The following BTBD3 variants were observed in gnomAD, a reference collection of about 807,000 sequenced individuals.
The protein encoded by BTBD3 is BTB/POZ domain-containing protein 3.
Under a neutral mutation model 41.6 loss-of-function variants are expected in BTBD3, and 14 were observed. The observed-to-expected ratio is 0.34, with a 90% CI of 0.22 to 0.53. The LOEUF (loss-of-function observed/expected upper bound fraction) is 0.53, where lower values mean the gene tolerates loss of function less well. BTBD3 is among the 20% of genes least tolerant of loss of function. The pLI, the probability that BTBD3 is intolerant of heterozygous loss-of-function variation, is 0.95. For missense variants in BTBD3, 426 were observed against 654.7 expected (o/e 0.65, Z 3.81); for synonymous variants, 249 against 233.7 (o/e 1.07, Z -0.60).
chr20:11,905,178 G>A (rs1398720051), intron 1 of BTBD3, among the ~76,000 whole-genome samples: 1 of 152,120 alleles, frequency 6.6e-6, no homozygotes, highest in Non-Finnish European at 1.5e-5. Flanking sequence ...AATACTGTCA[G>A]TTTTCCTTGC....
chr20:11,914,225 T>G (rs74662847), upstream of BTBD3, among the ~76,000 whole-genome samples: 1,187 of 152,296 alleles, frequency 7.8e-3, 16 homozygotes, highest in African/African-American at 0.027. Context: ...GGTTACAGAC[T>G]CAACAGATGG....
At position 11,923,553 on chromosome 20, in the gene BTBD3, A is replaced by G; in HGVS notation, c.1456A>G (p.Met486Val). ...NELSYFGQEG[M>V]TEVQCGKVTV... is the part of the protein sequence containing the mutation. ...ACTCAGCTACTTTGGACAAGAAGGC[A>G]TGACAGAAGTTCAGTGTGGCAAAGT... Residue 486 changes from methionine to valine, a missense_variant, in exon 4 of 4, where the codon ATG becomes GTG. Met to Val is a conservative substitution (Grantham distance 21, BLOSUM62 1). Transcript: ENST00000378226. This position sits in a 1 kb window ranked among gnomAD's most constrained non-coding sequence, Gnocchi z 5.3. 6.2e-7 allele frequency: 1 copy of G among 1,614,216 alleles called. No homozygotes were observed. The highest frequency in any genetic ancestry group is 8.5e-7 in the Non-Finnish European group (1 of 1,180,038).
chr20:11,908,360 A>T (rs2056869476), intron 1 of BTBD3, among the ~76,000 whole-genome samples: 1 of 115,392 alleles, frequency 8.7e-6, no homozygotes, highest in Non-Finnish European at 1.7e-5. Context: ...CTGACAGTTG[A>T]GTTGCCACTC....
upstream of BTBD3, among the ~76,000 whole-genome samples, chr20:11,916,022 A>G (rs1476376911): frequency 6.6e-6 from 1 of 152,104 alleles, no homozygotes; most frequent in Non-Finnish European, 1.5e-5. Flanking sequence ...AAGTTCTTGT[A>G]TCTGTGTTTT....
At chr20:11,917,396 A>G (rs373284870), upstream of BTBD3, among the ~76,000 whole-genome samples, 23 of 152,246 alleles carry the variant, frequency 1.5e-4, 1 homozygote, top group African/African-American at 5.0e-4. Context: ...CTTCTTTAGC[A>G]CTAGACTATG....
chr20:11,919,582 C>A, intron 2 of BTBD3, 136 bp from the exon 3 acceptor site: 1 of 1,163,620 alleles, frequency 8.6e-7, no homozygotes, highest in Non-Finnish European at 1.2e-6. Flanking sequence ...CCCTGTGTAC[C>A]TTGGCTTTTT....
At chr20:11,919,860 A>C in intron 3 of BTBD3, 24 bp downstream of exon 3, 1 of 1,595,840 alleles carries the variant, frequency 6.3e-7, no homozygotes, top group African/African-American at 1.3e-5. Flanking sequence ...GTGTGTTTGG[A>C]AAGAGTTTGT....
At chr20:11,892,603 C>G (rs2056762101) in intron 1 of BTBD3, 1 of 152,196 alleles carries the variant, frequency 6.6e-6, no homozygotes, top group East Asian at 1.9e-4. Context: ...AGATTATTAA[C>G]GCCGTTGTAT....
In BTBD3 at chr20:11,918,209, A is replaced by G. The variant is rs893829166; in HGVS notation, c.-67A>G. On this transcript the variant is annotated 5_prime_UTR_variant, in exon 1 of 4. Transcript: ENST00000378226. ...TTCAGTTAACCTCTTAGCCCGGGCT[A>G]ATCTCTTTTCCTTGATGTTCAAACC... 6.6e-7 allele frequency: 1 copy of G among 1,504,632 alleles called. No individual in the cohort carries two copies. The highest frequency in any genetic ancestry group is 8.8e-7 in the Non-Finnish European group (1 of 1,136,990). The allele number at this position is 1,504,632 out of a possible 1,614,324, so 93.2% of individuals were successfully genotyped here. A position where few individuals can be genotyped will look rare whatever the true frequency, so the allele number is the denominator to read the frequency against.
chr20:11,908,461 T>C (rs920425314), intron 1 of BTBD3, among the ~76,000 whole-genome samples: 12 of 151,820 alleles, frequency 7.9e-5, no homozygotes, highest in African/African-American at 2.9e-4. Flanking sequence ...CCTATTGTTA[T>C]GTGATGCAGA....
intron 1 of BTBD3, 172 bp downstream of exon 1, chr20:11,918,773 C>A: frequency 1.4e-6 from 1 of 727,812 alleles, no homozygotes. Context: ...AGCTGTTTTC[C>A]TCTTAGATAA....
At chr20:11,916,902 T>C (rs1041454474), upstream of BTBD3, among the ~76,000 whole-genome samples, 38 of 152,172 alleles carry the variant, frequency 2.5e-4, no homozygotes, top group African/African-American at 8.9e-4. Flanking sequence ...GTTTTTGTTT[T>C]TTTTACTCAC....
intron 1 of BTBD3, among the ~76,000 whole-genome samples, chr20:11,896,977 G>A (rs2056790845): frequency 6.6e-6 from 1 of 152,198 alleles, no homozygotes; most frequent in Non-Finnish European, 1.5e-5. Context: ...CCTGTTGGCA[G>A]TATTTGATGT....
intron 1 of BTBD3, among the ~76,000 whole-genome samples, chr20:11,899,884 C>T (rs574053729): frequency 6.6e-6 from 1 of 152,234 alleles, no homozygotes; most frequent in South Asian, 2.1e-4. Flanking sequence ...CTGAAGAATA[C>T]ACAATAAATA....
intron 1 of BTBD3, among the ~76,000 whole-genome samples, chr20:11,898,639 T>C (rs1021050379): frequency 1.3e-5 from 2 of 152,230 alleles, no homozygotes; most frequent in African/African-American, 4.8e-5. Flanking sequence ...TAAATATTTT[T>C]TGAATGAATG....
intron 1 of BTBD3, among the ~76,000 whole-genome samples, chr20:11,893,540 A>G (rs1377777568): frequency 2.0e-5 from 3 of 152,196 alleles, no homozygotes; most frequent in African/African-American, 7.2e-5. Flanking sequence ...AGCCTTTTCA[A>G]TTTAGTATCT....
intron 1 of BTBD3, among the ~76,000 whole-genome samples, chr20:11,911,638 A>G (rs2056890203): frequency 6.6e-6 from 1 of 152,254 alleles, no homozygotes; most frequent in Admixed American, 6.5e-5. Context: ...GCTGCATTCA[A>G]AGCCATCCTA....
At chr20:11,901,649 C>T (rs939230446) in intron 1 of BTBD3, among the ~76,000 whole-genome samples, 2 of 152,184 alleles carry the variant, frequency 1.3e-5, no homozygotes, top group African/African-American at 2.4e-5. Flanking sequence ...GCTACTTTCT[C>T]TTATAAGTGA....
At chr20:11,907,312 G>A (rs1318263351) in intron 1 of BTBD3, among the ~76,000 whole-genome samples, 1 of 152,162 alleles carries the variant, frequency 6.6e-6, no homozygotes, top group African/African-American at 2.4e-5. Flanking sequence ...AGAGCCCCAG[G>A]ACACATTTAA....
Sources: gnomAD v4.1 joint callset for allele counts (sites outside exome capture counted in the v4.1 genomes callset) on GRCh38, gnomAD v4.1.1 for gene constraint, Gnocchi (gnomAD v3.1) non-coding constraint, MANE v1.5 for transcripts, NCBI Gene and HGNC (gene_info 2026-07-23, HGNC 2026-07-21) for gene names.